EIF2AK4: variants seen among roughly 807,000 people sequenced by gnomAD.
EIF2AK4 encodes eIF-2-alpha kinase GCN2.
In EIF2AK4, 139 loss-of-function variants were observed where a neutral mutation model predicts 211.1. The observed-to-expected ratio is 0.66, with a 90% confidence interval of 0.57 to 0.76. The LOEUF (loss-of-function observed/expected upper bound fraction) is 0.76. Ranked by LOEUF, EIF2AK4 falls within the 30% of genes least tolerant of loss-of-function variation. The pLI is 0.00. For synonymous variants in EIF2AK4, 710 were observed against 751.3 expected, an observed-to-expected ratio of 0.94 and a Z score of 0.90; for missense variants, 1,664 against 2,043.8, an observed-to-expected ratio of 0.81 and a Z score of 3.58.
At chr15:39,986,879 AC>A (rs369027811) in intron 14 of EIF2AK4, among the ~76,000 whole-genome samples, 1 of 151,790 alleles carries the variant, frequency 6.6e-6, no homozygotes, top group African/African-American at 2.4e-5. Context: ...AACAACAACA[AC>A]AAAAACAAAG....
intron 32 of EIF2AK4, among the ~76,000 whole-genome samples, chr15:40,024,391 G>A (rs1250393194): frequency 6.8e-6 from 1 of 147,144 alleles, no homozygotes; most frequent in Admixed American, 6.8e-5. Context: ...ACAGTCACTA[G>A]GTTGAGTTTT....
chr15:39,995,596 CT>C (rs1223917573), intron 18 of EIF2AK4, among the ~76,000 whole-genome samples: 1 of 151,910 alleles, frequency 6.6e-6, no homozygotes, highest in African/African-American at 2.4e-5. Context: ...ATTGTAGATA[CT>C]TTTTTTGTTT....
At chr15:40,017,515 A>ATATATG (rs1327570258) in intron 29 of EIF2AK4, among the ~76,000 whole-genome samples, 2 of 11,486 alleles carry the variant, frequency 1.7e-4, no homozygotes, top group African/African-American at 3.8e-4. Context: ...ATATATATAT[A>ATATATG]TATATATATA....
At chr15:40,002,809 A>C in intron 22 of EIF2AK4, 21 bp downstream of exon 22, 1 of 1,613,180 alleles carries the variant, frequency 6.2e-7, no homozygotes, top group Non-Finnish European at 8.5e-7. Context: ...CCTTTTTAAA[A>C]ATGATATTTC....
At chr15:40,007,286 G>T (rs2035174620) in intron 24 of EIF2AK4, among the ~76,000 whole-genome samples, 1 of 152,210 alleles carries the variant, frequency 6.6e-6, no homozygotes, top group African/African-American at 2.4e-5. Flanking sequence ...GTACCGTCAT[G>T]TTCCCACAGT....
At chr15:40,035,003 T>C in intron 38 of EIF2AK4, 24 bp from the exon 39 acceptor site, 1 of 1,563,304 alleles carries the variant, frequency 6.4e-7, no homozygotes. Flanking sequence ...AGTCTGTCCT[T>C]ATATCTTTTC....
chr15:40,001,006 C>T lies in EIF2AK4; in HGVS notation c.2941C>T (p.Leu981=), dbSNP rs549104673. The change falls in exon 21 of 39, where the codon CTG becomes TTG. Residue 981 remains leucine (L), a synonymous_variant. Coordinates refer to ENST00000263791, the MANE Select transcript of EIF2AK4 (RefSeq NM_001013703.4). The part of the protein sequence containing the change: ...HAKQKSVISW[L]LNHDPAKRPT... ...ATTGTAGAAATCAGTCATCTCCTGG[C>T]TGTTGAACCACGATCCAGCAAAACG... 2 of 1,614,224 alleles carry T rather than the reference C, an allele frequency of 1.2e-6. No individual in the cohort carries two copies. The highest frequency in any genetic ancestry group is 1.3e-5 in the African/African-American group (1 of 75,058).
intron 25 of EIF2AK4, among the ~76,000 whole-genome samples, chr15:40,008,858 G>A (rs2035197463): frequency 6.6e-6 from 1 of 152,124 alleles, no homozygotes; most frequent in African/African-American, 2.4e-5. Flanking sequence ...GAGCCTACGA[G>A]TCCGCTTTGC....
Position 40,001,053 on chromosome 15 carries a change from C to G in EIF2AK4, c.2988C>G (p.Leu996=), listed in dbSNP as rs1355133392. The G allele has an allele frequency of 6.2e-7, 1 of 1,614,200 alleles. No homozygotes were observed. The highest frequency in any genetic ancestry group is 1.7e-5 in the Admixed American group (1 of 60,030). The change falls in exon 21 of 39, where the codon CTC becomes CTG. Residue 996 remains leucine, a synonymous_variant. Coordinates refer to ENST00000263791, the MANE Select transcript of EIF2AK4 (RefSeq NM_001013703.4). ...PAKRPTATEL[L]KSELLPPPQM... is the part of the protein sequence containing the mutation. ...AACGGCCCACAGCCACAGAACTGCTCAAGAGTGAGCTGCTGCCCCCACCCC... is the reference window on the plus strand; with the variant it reads ...AACGGCCCACAGCCACAGAACTGCTGAAGAGTGAGCTGCTGCCCCCACCCC...
intron 16 of EIF2AK4, among the ~76,000 whole-genome samples, chr15:39,990,738 C>T (rs1442373972): frequency 6.6e-6 from 1 of 152,158 alleles, no homozygotes; most frequent in Admixed American, 6.5e-5. Context: ...GGCTCAAAAA[C>T]GTAAAACACC....
At chr15:40,031,379 A>T (rs2035540923) in intron 35 of EIF2AK4, among the ~76,000 whole-genome samples, 1 of 152,246 alleles carries the variant, frequency 6.6e-6, no homozygotes. Flanking sequence ...AAATACAAAA[A>T]TCAGGTACTT....
chr15:39,937,720 T>G (rs73401143), intron 1 of EIF2AK4, among the ~76,000 whole-genome samples: 10,468 of 147,988 alleles, frequency 0.071, 1,122 homozygotes, highest in African/African-American at 0.23. Context: ...TATAAGTAGG[T>G]TTTTTTTTTT....
At chr15:39,959,913 C>T (rs62004061) in intron 6 of EIF2AK4, among the ~76,000 whole-genome samples, 2 of 152,092 alleles carry the variant, frequency 1.3e-5, no homozygotes, top group Non-Finnish European at 1.5e-5. Context: ...CCTGTAATCC[C>T]AGCACTTTGG....
At chr15:40,002,664 T>A (rs1567000846) in intron 21 of EIF2AK4, 49 bp from the exon 22 acceptor site, 1 of 1,584,746 alleles carries the variant, frequency 6.3e-7, no homozygotes, top group South Asian at 1.1e-5. Context: ...TTTTAAAGGA[T>A]CCCTTTGATA....
chr15:39,971,729 T>C (rs1595401488), intron 9 of EIF2AK4, among the ~76,000 whole-genome samples: 1 of 151,306 alleles, frequency 6.6e-6, no homozygotes, highest in Non-Finnish European at 1.5e-5. Context: ...AAAAAAAAAT[T>C]AAAATTAAAA....
At chr15:39,996,841 C>T in intron 18 of EIF2AK4, 123 bp from the exon 19 acceptor site, 1 of 635,440 alleles carries the variant, frequency 1.6e-6, no homozygotes. Flanking sequence ...CGCATTTTTC[C>T]AGTGTGACCT....
In EIF2AK4 at chr15:40,017,253, G is replaced by A; in HGVS notation, c.4065+11G>A. 1 of 1,595,242 alleles carries A rather than the reference G, an allele frequency of 6.3e-7. No individual in the cohort carries two copies. The highest frequency in any genetic ancestry group is 1.1e-5 in the South Asian group (1 of 90,072). ...AGATATGACCTGCTGGTGAGGGCTT[G>A]CCCTTTATTTATTTGCTCTGACTTA... On this transcript the variant is annotated intron_variant, in intron 29 of 38. Transcript: ENST00000263791.
In EIF2AK4 at chr15:39,967,714, G is replaced by A. The variant is rs1303944472; in HGVS notation, c.1388G>A (p.Arg463Gln). The part of the protein sequence containing the change: ...ICKEDVFEQT[R>Q]VRFSDNALPY... ...AAGGAGGATGTGTTTGAGCAAACCC[G>A]AGTTCGTTTTAGTGACAATGCTCTG... The change falls in exon 9 of 39, where the codon CGA becomes CAA. Residue 463 changes from arginine (R) to glutamine (Q), a missense_variant. Transcript: ENST00000263791. 7 of 1,614,030 alleles carry A rather than the reference G, an allele frequency of 4.3e-6. No homozygotes were observed. The highest frequency in any genetic ancestry group is 3.3e-5 in the Admixed American group (2 of 60,000).
Position 39,996,955 on chromosome 15 carries a change from C to T in EIF2AK4, c.2767-9C>T. 6.3e-7 allele frequency: 1 copy of T among 1,575,374 alleles called. No individual in the cohort carries two copies. Among genetic ancestry groups the T allele is most frequent in the Non-Finnish European group, 8.7e-7 (1 of 1,145,032 alleles). On this transcript the variant is annotated splice_polypyrimidine_tract_variant and intron_variant, in intron 18 of 38. Coordinates refer to ENST00000263791, the MANE Select transcript of EIF2AK4 (RefSeq NM_001013703.4). ...AGGCTCTCTAAATGCAATTATTCTT[C>T]CCCCTCAGAAAGTGGATCTCTTCAG...
Sources: allele counts gnomAD v4.1 joint callset (sites outside exome capture counted in the v4.1 genomes callset), GRCh38; gene constraint gnomAD v4.1.1; transcripts MANE v1.5; gene names NCBI Gene and HGNC (gene_info 2026-07-23, HGNC 2026-07-21).